XKR9: variants seen among roughly 807,000 people sequenced by gnomAD.
The protein encoded by XKR9 is XK-related protein 9.
XKR9 carries 32 observed loss-of-function variants against 32.0 expected under a neutral mutation model. The ratio of observed to expected loss-of-function variants is 1.00; its 90% confidence interval spans 0.76 to 1.34. XKR9 has a LOEUF of 1.34. XKR9 is among the 40% of genes most tolerant of loss of function. XKR9 has a pLI of 0.00. For missense variants in XKR9, 546 were observed against 429.7 expected (o/e 1.27, Z -2.39); for synonymous variants, 168 against 143.4 (o/e 1.17, Z -1.22).
At chr8:70,790,500 A>G (rs537062051), downstream of XKR9, 2 of 152,114 alleles carry the variant, frequency 1.3e-5, no homozygotes, top group East Asian at 1.9e-4. Context: ...AGTTCCGTAA[A>G]TGTCTGTTCA....
chr8:70,745,434 C>T (rs949906585), intron 2 of XKR9, among the ~76,000 whole-genome samples: 1 of 152,310 alleles, frequency 6.6e-6, no homozygotes, highest in African/African-American at 2.4e-5. Flanking sequence ...TATACATTCA[C>T]ATCTTCAAAT....
At chr8:70,747,421 C>T (rs373319188) in intron 2 of XKR9, among the ~76,000 whole-genome samples, 1 of 152,152 alleles carries the variant, frequency 6.6e-6, no homozygotes, top group Non-Finnish European at 1.5e-5. Context: ...TAGGTTAATA[C>T]ATTAATGGGT....
chr8:70,774,462 C>T (rs1370516431), intron 2 of XKR9, among the ~76,000 whole-genome samples: 1 of 152,020 alleles, frequency 6.6e-6, no homozygotes, highest in Non-Finnish European at 1.5e-5. Flanking sequence ...TTTTATTGGC[C>T]AAACCAAGTC....
chr8:70,903,937 A>G, the XKR9 span, among the ~76,000 whole-genome samples: 1 of 152,004 alleles, frequency 6.6e-6, no homozygotes, highest in Non-Finnish European at 1.5e-5. Context: ...GTTTCTATCT[A>G]GTTGAGTGGT....
the XKR9 span, among the ~76,000 whole-genome samples, chr8:70,822,741 A>G: frequency 3.3e-5 from 5 of 151,760 alleles, no homozygotes; most frequent in African/African-American, 1.2e-4. Context: ...TCTGCCCCCA[A>G]CCCCAGTTTT....
the XKR9 span, among the ~76,000 whole-genome samples, chr8:70,936,389 G>A: frequency 6.6e-6 from 1 of 152,034 alleles, no homozygotes; most frequent in African/African-American, 2.4e-5. Context: ...GAAGAGCCCA[G>A]GCAGAGGGAT....
rs541443179 is a variant in XKR9, at chr8:70,699,930, A to C, written c.273-7003A>C. 2.8e-4 allele frequency among the ~76,000 whole-genome samples: 42 copies of C among 151,842 alleles called. 1 individual carries two copies. The highest frequency in any genetic ancestry group is 3.4e-3 in the Middle Eastern group (1 of 294). On this transcript the variant is annotated intron_variant, in intron 3 of 4. Transcript: ENST00000408926. ...CTTCCCTTCTCACTTCATTTCATTC[A>C]TTTCATCTTCCATCACTGATACCCT...
At chr8:71,039,330 A>G in the XKR9 span, among the ~76,000 whole-genome samples, 36 of 152,372 alleles carry the variant, frequency 2.4e-4, 2 homozygotes, top group South Asian at 7.5e-3. Flanking sequence ...CAAACATCAT[A>G]GGTGTTAGCC....
the XKR9 span, among the ~76,000 whole-genome samples, chr8:70,965,776 T>A: frequency 7.0e-3 from 1,066 of 152,312 alleles, 4 homozygotes; most frequent in Non-Finnish European, 0.01. Flanking sequence ...GTTGGTTGTA[T>A]TTCTGTGGGG....
At chr8:70,712,961 G>A (rs1273276316) in intron 4 of XKR9, among the ~76,000 whole-genome samples, 3 of 151,712 alleles carry the variant, frequency 2.0e-5, no homozygotes, top group Admixed American at 2.0e-4. Context: ...AGAAGTAGAG[G>A]AAATAGGAAA....
chr8:70,902,570 T>C, the XKR9 span, among the ~76,000 whole-genome samples: 109 of 152,354 alleles, frequency 7.2e-4, no homozygotes, highest in Middle Eastern at 6.8e-3. Context: ...TGATGGGGTT[T>C]TGTAAATATA....
chr8:70,934,396 T>G, the XKR9 span, among the ~76,000 whole-genome samples: 4 of 152,022 alleles, frequency 2.6e-5, no homozygotes, highest in Admixed American at 6.6e-5. Flanking sequence ...AGGTATACAG[T>G]TTTGGAAAAT....
intron 2 of XKR9, among the ~76,000 whole-genome samples, chr8:70,761,624 C>T (rs1807310133): frequency 6.6e-6 from 1 of 152,014 alleles, no homozygotes; most frequent in Non-Finnish European, 1.5e-5. Context: ...AGTTCGCAAA[C>T]ATTTTCTTTC....
chr8:70,947,332 C>T, the XKR9 span, among the ~76,000 whole-genome samples: 10 of 152,058 alleles, frequency 6.6e-5, no homozygotes, highest in South Asian at 4.1e-4. Context: ...GTTCCCTTTT[C>T]GATTGATTGC....
intron 3 of XKR9, among the ~76,000 whole-genome samples, chr8:70,685,140 A>C (rs544177200): frequency 6.6e-6 from 1 of 152,168 alleles, no homozygotes; most frequent in Admixed American, 6.5e-5. Context: ...TGTGGCACAT[A>C]TACACCATGG....
At chr8:70,727,645 G>T (rs187451211) in intron 4 of XKR9, among the ~76,000 whole-genome samples, 9 of 151,778 alleles carry the variant, frequency 5.9e-5, no homozygotes, top group Non-Finnish European at 8.8e-5. Context: ...TGATCTGCCC[G>T]CCTCGGCCTC....
At chr8:70,743,045 G>A (rs563100803) in intron 2 of XKR9, among the ~76,000 whole-genome samples, 17 of 152,118 alleles carry the variant, frequency 1.1e-4, no homozygotes, top group South Asian at 4.1e-4. Flanking sequence ...ACTTCCAAAT[G>A]TGTTAGACCT....
intron 2 of XKR9, among the ~76,000 whole-genome samples, chr8:70,784,232 T>C (rs1186146520): frequency 1.3e-5 from 2 of 152,190 alleles, no homozygotes; most frequent in East Asian, 1.9e-4. Context: ...TTTCCATTTC[T>C]ATGTAAAAAT....
chr8:71,018,277 T>G, the XKR9 span, among the ~76,000 whole-genome samples: 1 of 152,112 alleles, frequency 6.6e-6, no homozygotes, highest in Non-Finnish European at 1.5e-5. Context: ...GATAATCTTT[T>G]TAAGATTACT....
Sources: allele counts gnomAD v4.1 joint callset (sites outside exome capture counted in the v4.1 genomes callset), GRCh38; gene constraint gnomAD v4.1.1; transcripts MANE v1.5; gene names NCBI Gene and HGNC (gene_info 2026-07-23, HGNC 2026-07-21).